TMEM132D: variants seen among roughly 807,000 people sequenced by gnomAD.
TMEM132D encodes the protein mature OL transmembrane protein.
Under a neutral mutation model 62.3 loss-of-function variants are expected in TMEM132D, and 21 were observed. The observed-to-expected ratio is 0.34, with a 90% CI of 0.24 to 0.49. The LOEUF (loss-of-function observed/expected upper bound fraction) is 0.49. TMEM132D is among the 20% of genes least tolerant of loss of function. TMEM132D has a pLI of 0.99. For missense variants in TMEM132D, 1,346 were observed against 1,402.8 expected (o/e 0.96, Z 0.65); for synonymous variants, 621 against 575.6 (o/e 1.08, Z -1.13).
intron 1 of TMEM132D, among the ~76,000 whole-genome samples, chr12:129,797,412 A>T (rs1191297684): frequency 6.6e-6 from 1 of 152,242 alleles, no homozygotes; most frequent in Non-Finnish European, 1.5e-5. Flanking sequence ...TTCCCTGCAC[A>T]GGAACACCCA....
At chr12:129,695,002 C>T (rs925824939) in intron 2 of TMEM132D, among the ~76,000 whole-genome samples, 5 of 151,982 alleles carry the variant, frequency 3.3e-5, no homozygotes, top group Non-Finnish European at 5.9e-5. Context: ...AGTGAGACTC[C>T]GTCTCAAAAA....
intron 2 of TMEM132D, among the ~76,000 whole-genome samples, chr12:129,625,242 C>T (rs1301367679): frequency 2.6e-5 from 4 of 152,144 alleles, no homozygotes; most frequent in South Asian, 2.1e-4. Context: ...TACATTTTCT[C>T]GATACTACTT....
intron 1 of TMEM132D, among the ~76,000 whole-genome samples, chr12:129,764,653 A>G (rs1222553622): frequency 6.6e-6 from 1 of 152,164 alleles, no homozygotes; most frequent in African/African-American, 2.4e-5. Context: ...CCTAATAACC[A>G]ACCCTGCCTG....
At chr12:129,736,424 A>G (rs763873157) in intron 1 of TMEM132D, among the ~76,000 whole-genome samples, 6 of 152,238 alleles carry the variant, frequency 3.9e-5, no homozygotes, top group Non-Finnish European at 8.8e-5. Context: ...ACATAAAATA[A>G]AATGTCAAAT....
chr12:129,135,744 C>A (rs1876538650), intron 5 of TMEM132D, among the ~76,000 whole-genome samples: 1 of 152,074 alleles, frequency 6.6e-6, no homozygotes, highest in Admixed American at 6.6e-5. Flanking sequence ...GAGGGAGAAT[C>A]TTTTCCATGC....
At chr12:129,233,579 A>C (rs1442484849) in intron 4 of TMEM132D, among the ~76,000 whole-genome samples, 1 of 152,190 alleles carries the variant, frequency 6.6e-6, no homozygotes, top group Non-Finnish European at 1.5e-5. Flanking sequence ...ATAGCTTGAA[A>C]TCACAAACTG....
chr12:129,611,719 G>A (rs1878779234), intron 2 of TMEM132D, among the ~76,000 whole-genome samples: 1 of 152,154 alleles, frequency 6.6e-6, no homozygotes, highest in Non-Finnish European at 1.5e-5. Context: ...GAAGTGCCTT[G>A]AACTAGAGAT....
At chr12:129,440,845 G>A (rs1471467624) in intron 3 of TMEM132D, among the ~76,000 whole-genome samples, 1 of 152,230 alleles carries the variant, frequency 6.6e-6, no homozygotes, top group Admixed American at 6.5e-5. Context: ...AGAGAATGGA[G>A]ACTAATGTGC....
intron 3 of TMEM132D, among the ~76,000 whole-genome samples, chr12:129,413,666 T>A (rs1007536569): frequency 3.9e-5 from 6 of 152,194 alleles, no homozygotes; most frequent in African/African-American, 1.4e-4. Context: ...ACACATTTCC[T>A]AAGGTTTTGA....
intron 2 of TMEM132D, among the ~76,000 whole-genome samples, chr12:129,638,520 TAAATATATAA>T: frequency 2.2e-5 from 1 of 45,440 alleles, no homozygotes; most frequent in Non-Finnish European, 5.2e-5. Flanking sequence ...TAAATATATA[TAAATATATAA>T]ACATATATAA....
rs1459042105 is a variant in TMEM132D, at chr12:129,618,249, G to A, written c.968+81561C>T. ...AATCTCTGGACCCAAAATTGTGAGG[G>A]TTTTGTTTTTGCTATGTTTTAGAAA... On this transcript the variant is annotated intron_variant, in intron 2 of 8. Coordinates refer to ENST00000422113, the MANE Select transcript of TMEM132D (RefSeq NM_133448.3). 2.6e-5 allele frequency among the ~76,000 whole-genome samples: 4 copies of A among 152,112 alleles called. No individual in the cohort carries two copies. The East Asian group carries it at 7.7e-4, about 29-fold the overall frequency.
chr12:129,835,570 C>T (rs981115860), intron 1 of TMEM132D, among the ~76,000 whole-genome samples: 5 of 152,038 alleles, frequency 3.3e-5, no homozygotes, highest in Admixed American at 6.6e-5. Context: ...GGATTACAGG[C>T]GTGAGCTACC....
chr12:129,517,048 G>A (rs1000039129), intron 3 of TMEM132D, among the ~76,000 whole-genome samples: 3 of 152,070 alleles, frequency 2.0e-5, no homozygotes, highest in Non-Finnish European at 4.4e-5. Context: ...GTCTCATCTG[G>A]AGGTTCTCAA....
At chr12:129,130,601 G>A (rs769405164) in intron 5 of TMEM132D, among the ~76,000 whole-genome samples, 6 of 152,162 alleles carry the variant, frequency 3.9e-5, no homozygotes, top group Non-Finnish European at 8.8e-5. Flanking sequence ...TACATTCTGG[G>A]AAGGGAGACA....
chr12:129,848,152 C>T (rs1873422300), intron 1 of TMEM132D, among the ~76,000 whole-genome samples: 1 of 152,202 alleles, frequency 6.6e-6, no homozygotes, highest in African/African-American at 2.4e-5. Flanking sequence ...AGCAGGATTT[C>T]CTCTCTGAAC....
intron 1 of TMEM132D, among the ~76,000 whole-genome samples, chr12:129,752,172 A>G (rs1368297815): frequency 6.6e-6 from 1 of 152,224 alleles, no homozygotes; most frequent in Non-Finnish European, 1.5e-5. Flanking sequence ...ATAAAGAAAT[A>G]CCAAAAAGGT....
At chr12:129,422,244 A>G (rs1369111393) in intron 3 of TMEM132D, among the ~76,000 whole-genome samples, 3 of 152,326 alleles carry the variant, frequency 2.0e-5, no homozygotes, top group Admixed American at 6.5e-5. Flanking sequence ...TTTAAATTTT[A>G]TTGGCGAAAA....
intron 4 of TMEM132D, among the ~76,000 whole-genome samples, chr12:129,248,970 T>C (rs952945175): frequency 4.6e-5 from 7 of 152,122 alleles, no homozygotes; most frequent in African/African-American, 1.7e-4. Flanking sequence ...TAAAGACCCA[T>C]GTAGGCATAT....
chr12:129,446,811 G>GTGA (rs991586962), intron 3 of TMEM132D, among the ~76,000 whole-genome samples: 1 of 152,148 alleles, frequency 6.6e-6, no homozygotes, highest in African/African-American at 2.4e-5. Flanking sequence ...TGCTGTGGTG[G>GTGA]TGATTTCTTT....
Sources: allele counts gnomAD v4.1 joint callset (sites outside exome capture counted in the v4.1 genomes callset), GRCh38; gene constraint gnomAD v4.1.1; transcripts MANE v1.5; gene names NCBI Gene and HGNC (gene_info 2026-07-23, HGNC 2026-07-21).